CFAP299: variants seen among roughly 807,000 people sequenced by gnomAD.
The protein encoded by CFAP299 is cilia- and flagella-associated protein 299.
A neutral mutation model predicts 27.0 loss-of-function variants in CFAP299; 21 were observed. The ratio of observed to expected loss-of-function variants is 0.78; its 90% CI spans 0.55 to 1.12. The LOEUF (loss-of-function observed/expected upper bound fraction) is 1.12. Ranked by LOEUF, CFAP299 falls within the 50% of genes most tolerant of loss-of-function variation. CFAP299 has a pLI of 0.00. For missense variants in CFAP299, 310 were observed against 276.6 expected, an observed-to-expected ratio of 1.12 and a Z score of -0.86; for synonymous variants, 104 against 98.1, an observed-to-expected ratio of 1.06 and a Z score of -0.36.
At chr4:80,632,811 A>G (rs1330569531) in intron 3 of CFAP299, among the ~76,000 whole-genome samples, 1 of 152,140 alleles carries the variant, frequency 6.6e-6, no homozygotes, top group African/African-American at 2.4e-5. Context: ...CCAGGAGAAC[A>G]TCAATGAAAT....
intron 4 of CFAP299, among the ~76,000 whole-genome samples, chr4:80,942,283 T>A (rs373346701): frequency 7.2e-5 from 11 of 152,240 alleles, no homozygotes; most frequent in African/African-American, 1.9e-4. Flanking sequence ...GGACAAAGAG[T>A]ACATGCGTTA....
chr4:80,870,226 T>C (rs1733003523), intron 4 of CFAP299, 91 bp downstream of exon 4: 1 of 1,421,750 alleles, frequency 7.0e-7, no homozygotes, highest in African/African-American at 1.4e-5. Flanking sequence ...CTAATGTATA[T>C]ATAACAGGAA....
At chr4:80,927,893 A>G (rs1390840698) in intron 4 of CFAP299, among the ~76,000 whole-genome samples, 4 of 152,170 alleles carry the variant, frequency 2.6e-5, no homozygotes, top group Non-Finnish European at 5.9e-5. Flanking sequence ...ACCAAAGCAC[A>G]TAACATACTT....
chr4:80,759,288 G>T (rs1269170087), intron 3 of CFAP299, among the ~76,000 whole-genome samples: 1 of 152,044 alleles, frequency 6.6e-6, no homozygotes, highest in Non-Finnish European at 1.5e-5. Flanking sequence ...GTACACTAGG[G>T]GATACAGAAT....
chr4:80,799,812 T>TATATATTATATATTATAATATATA (rs1553893122), intron 3 of CFAP299, among the ~76,000 whole-genome samples: 3 of 36,112 alleles, frequency 8.3e-5, no homozygotes, highest in African/African-American at 4.0e-4. Flanking sequence ...AATATATAAA[T>TATATATTATATATTATAATATATA]ATATATATTA....
At position 80,818,605 on chromosome 4, in the gene CFAP299, A is replaced by T. The variant is rs185722327; in HGVS notation, c.334-51388A>T. ...CATTAGATAGTATTACATTCTTTCA[A>T]GGACATACAAAAAGTCATCAAACCC... On this transcript the variant is annotated intron_variant, in intron 3 of 5. Transcript: ENST00000358105. Among the ~76,000 whole-genome samples, 71 of 152,274 alleles carry T rather than the reference A, an allele frequency of 4.7e-4. No homozygotes were observed. The East Asian group carries it at 0.013, about 27-fold the overall frequency.
intron 2 of CFAP299, among the ~76,000 whole-genome samples, chr4:80,369,779 C>A (rs1433736457): frequency 6.6e-6 from 1 of 152,180 alleles, no homozygotes; most frequent in East Asian, 1.9e-4. Context: ...CTAGTGCATG[C>A]ACATCGGTTT....
At chr4:80,890,206 A>T (rs181869641) in intron 4 of CFAP299, among the ~76,000 whole-genome samples, 26 of 152,274 alleles carry the variant, frequency 1.7e-4, no homozygotes, top group African/African-American at 6.0e-4. Flanking sequence ...TTGGTAGTTG[A>T]TATGATCTCA....
chr4:80,564,546 A>T (rs1287254949), intron 2 of CFAP299, among the ~76,000 whole-genome samples: 1 of 152,030 alleles, frequency 6.6e-6, no homozygotes, highest in Non-Finnish European at 1.5e-5. Context: ...AATAAAAGCC[A>T]TGTATGAAGA....
At chr4:80,545,902 C>T (rs1734205404) in intron 2 of CFAP299, among the ~76,000 whole-genome samples, 1 of 152,144 alleles carries the variant, frequency 6.6e-6, no homozygotes, top group Admixed American at 6.5e-5. Context: ...AGCTAATCTA[C>T]CACAATCGAG....
upstream of CFAP299, among the ~76,000 whole-genome samples, chr4:80,332,193 G>A (rs1048419204): frequency 6.6e-6 from 1 of 152,218 alleles, no homozygotes; most frequent in African/African-American, 2.4e-5. Flanking sequence ...AAATCGTGGA[G>A]CAGTGCGTAA....
At chr4:80,539,208 T>A (rs767336000) in intron 2 of CFAP299, among the ~76,000 whole-genome samples, 3 of 152,236 alleles carry the variant, frequency 2.0e-5, no homozygotes, top group Admixed American at 6.5e-5. Flanking sequence ...ACATCTTGCC[T>A]TCCTGTTCTA....
At chr4:80,828,788 T>C (rs1306956808) in intron 3 of CFAP299, among the ~76,000 whole-genome samples, 3 of 152,078 alleles carry the variant, frequency 2.0e-5, no homozygotes, top group Non-Finnish European at 4.4e-5. Flanking sequence ...GTCTCAGATA[T>C]TTCTTTATAG....
intron 4 of CFAP299, among the ~76,000 whole-genome samples, chr4:80,935,951 A>C (rs1181999548): frequency 6.6e-6 from 1 of 152,220 alleles, no homozygotes; most frequent in Non-Finnish European, 1.5e-5. Flanking sequence ...GCCAACAAGC[A>C]TATGAAGAAA....
chr4:80,368,676 A>C (rs1050110267), intron 2 of CFAP299, among the ~76,000 whole-genome samples: 2 of 152,346 alleles, frequency 1.3e-5, no homozygotes, highest in Non-Finnish European at 2.9e-5. Context: ...TTTATTTTAT[A>C]TAAGAATGGC....
intron 3 of CFAP299, among the ~76,000 whole-genome samples, chr4:80,759,325 T>C (rs1209263692): frequency 3.3e-5 from 5 of 152,120 alleles, no homozygotes; most frequent in Non-Finnish European, 7.4e-5. Flanking sequence ...TGGCAAAATG[T>C]ATATTAGGTA....
intron 2 of CFAP299, among the ~76,000 whole-genome samples, chr4:80,571,601 C>T (rs1735584077): frequency 1.3e-5 from 2 of 151,846 alleles, no homozygotes; most frequent in South Asian, 4.1e-4. Context: ...TGTACCCATC[C>T]TCAGAATTCA....
chr4:80,817,601 G>T (rs1729485548), intron 3 of CFAP299, among the ~76,000 whole-genome samples: 1 of 151,846 alleles, frequency 6.6e-6, no homozygotes, highest in Non-Finnish European at 1.5e-5. Flanking sequence ...AATTCCATTA[G>T]ACTGGAAGCT....
At chr4:80,397,619 T>G (rs939052638) in intron 2 of CFAP299, among the ~76,000 whole-genome samples, 1 of 152,180 alleles carries the variant, frequency 6.6e-6, no homozygotes, top group South Asian at 2.1e-4. Context: ...AGAAAACGCC[T>G]TTGACAAAAT....
Sources: gnomAD v4.1 joint callset for allele counts (sites outside exome capture counted in the v4.1 genomes callset) on GRCh38, gnomAD v4.1.1 for gene constraint, MANE v1.5 for transcripts, NCBI Gene and HGNC (gene_info 2026-07-23, HGNC 2026-07-21) for gene names.